LRRC4C: variants seen among roughly 807,000 people sequenced by gnomAD.
LRRC4C encodes leucine rich repeat containing 4C.
A neutral mutation model predicts 33.6 loss-of-function variants in LRRC4C; 5 were observed. The observed-to-expected ratio is 0.15, with a 90% confidence interval of 0.08 to 0.31. The LOEUF is 0.31. LRRC4C is among the 10% of genes least tolerant of loss of function. The probability of loss-of-function intolerance (pLI) is 1.00; values close to 1 mark genes in which losing one functional copy is unlikely to be tolerated. For missense variants in LRRC4C, 560 were observed against 796.7 expected (o/e 0.70, Z 3.58); for synonymous variants, 329 against 302.0 (o/e 1.09, Z -0.93).
rs1590719730 is a variant in LRRC4C, at chr11:41,137,952, C to T, written c.-495-204229G>A. On this transcript the variant is annotated intron_variant, in intron 1 of 6. Transcript: ENST00000528697. ...GCTAGATGATATACTAGTTGTTCTCCTTTCCTTCAGTTACCATGGGCATGC... is the reference window on the plus strand; with the variant it reads ...GCTAGATGATATACTAGTTGTTCTCTTTTCCTTCAGTTACCATGGGCATGC... Among the ~76,000 whole-genome samples the T allele has an allele frequency of 3.9e-5, 6 of 152,272 alleles. No homozygotes were observed. In the East Asian group the frequency reaches 1.2e-3, roughly 29 times the overall value.
intron 1 of LRRC4C, among the ~76,000 whole-genome samples, chr11:41,107,014 A>T (rs1159215832): frequency 9.7e-4 from 1 of 1,036 alleles, no homozygotes; most frequent in African/African-American, 1.3e-3. Context: ...CTCATCTTTA[A>T]AAAAAAAATT....
intron 3 of LRRC4C, among the ~76,000 whole-genome samples, chr11:40,605,011 G>C (rs1000872455): frequency 6.6e-6 from 1 of 152,054 alleles, no homozygotes; most frequent in Non-Finnish European, 1.5e-5. Flanking sequence ...TGATTATAGA[G>C]AGTCCCCTCA....
At chr11:40,872,317 T>A (rs1186280306) in intron 2 of LRRC4C, among the ~76,000 whole-genome samples, 4 of 146,202 alleles carry the variant, frequency 2.7e-5, no homozygotes, top group Non-Finnish European at 4.5e-5. Flanking sequence ...GGCTGAAAGT[T>A]AAAAAAAAAA....
At chr11:41,397,620 G>T (rs1348973642) in intron 1 of LRRC4C, among the ~76,000 whole-genome samples, 1 of 151,094 alleles carries the variant, frequency 6.6e-6, no homozygotes, top group Non-Finnish European at 1.5e-5. Context: ...CTGTACAGGG[G>T]TCAGTGTCCT....
chr11:41,190,253 G>A, intron 1 of LRRC4C, among the ~76,000 whole-genome samples: 1 of 152,116 alleles, frequency 6.6e-6, no homozygotes, highest in Middle Eastern at 3.2e-3. Context: ...ACAAGAGAGA[G>A]GAAGGGTCAC....
intron 5 of LRRC4C, among the ~76,000 whole-genome samples, chr11:40,157,944 T>TG (rs1858841987): frequency 6.6e-6 from 1 of 152,094 alleles, no homozygotes. Flanking sequence ...AGTCATTATT[T>TG]GAAAAAGATA....
At chr11:41,445,411 C>T (rs935117448) in intron 1 of LRRC4C, among the ~76,000 whole-genome samples, 6 of 152,174 alleles carry the variant, frequency 3.9e-5, no homozygotes, top group East Asian at 1.9e-4. Flanking sequence ...AATGCCCCCC[C>T]ACCCACGTGA....
At chr11:41,385,606 C>T (rs1236595422) in intron 1 of LRRC4C, among the ~76,000 whole-genome samples, 1 of 151,614 alleles carries the variant, frequency 6.6e-6, no homozygotes, top group Non-Finnish European at 1.5e-5. Context: ...TTGTGAGATA[C>T]AGCTAAATGC....
rs895584281 is a variant in LRRC4C, at chr11:41,169,615, G to A, written c.-495-235892C>T. The stretch of plus-strand genomic sequence containing the variant: ...CCATGATTCTATTTGGTCCATTATA[G>A]ATAACACTGAAAAAATCTTTTGGCA... On this transcript the variant is annotated intron_variant, in intron 1 of 6. Coordinates refer to ENST00000528697, the MANE Select transcript of LRRC4C (RefSeq NM_001258419.2). Among the ~76,000 whole-genome samples the A allele has an allele frequency of 2.0e-5, 3 of 152,102 alleles. No individual in the cohort carries two copies. The East Asian group carries it at 5.8e-4, about 29-fold the overall frequency.
chr11:40,915,278 C>T (rs531156619), intron 2 of LRRC4C, among the ~76,000 whole-genome samples: 8 of 152,158 alleles, frequency 5.3e-5, no homozygotes, highest in Non-Finnish European at 1.0e-4. Context: ...AGGCATCACT[C>T]TACCTGACTT....
intron 4 of LRRC4C, among the ~76,000 whole-genome samples, chr11:40,255,013 TGC>T (rs1257467358): frequency 6.6e-6 from 1 of 152,102 alleles, no homozygotes; most frequent in African/African-American, 2.4e-5. Flanking sequence ...AGGGTTTCTA[TGC>T]TGCCCAGGCT....
intron 3 of LRRC4C, among the ~76,000 whole-genome samples, chr11:40,482,387 T>A (rs1406566367): frequency 2.0e-5 from 3 of 152,080 alleles, no homozygotes; most frequent in African/African-American, 7.2e-5. Flanking sequence ...GTATAGGAAA[T>A]CAAATGAGAC....
At chr11:41,214,470 G>T (rs772543758) in intron 1 of LRRC4C, among the ~76,000 whole-genome samples, 1 of 149,950 alleles carries the variant, frequency 6.7e-6, no homozygotes, top group Non-Finnish European at 1.5e-5. Flanking sequence ...GATGGCTCAC[G>T]CCTGTAATCC....
intron 3 of LRRC4C, among the ~76,000 whole-genome samples, chr11:40,499,982 C>T (rs1013270381): frequency 1.3e-5 from 2 of 152,024 alleles, no homozygotes; most frequent in African/African-American, 4.8e-5. Context: ...GGCCCTTACC[C>T]ATCCTCTGTT....
intron 2 of LRRC4C, among the ~76,000 whole-genome samples, chr11:40,715,587 T>A (rs912457082): frequency 3.9e-5 from 6 of 152,230 alleles, no homozygotes; most frequent in Admixed American, 3.9e-4. Context: ...TGGGTATCAC[T>A]GACAAGAATG....
At chr11:40,159,909 A>G (rs1859015860) in intron 5 of LRRC4C, among the ~76,000 whole-genome samples, 1 of 152,238 alleles carries the variant, frequency 6.6e-6, no homozygotes, top group Non-Finnish European at 1.5e-5. Flanking sequence ...CTAGAATAAT[A>G]TTTGGCATGT....
chr11:41,130,705 A>AT (rs1255574618), intron 1 of LRRC4C, among the ~76,000 whole-genome samples: 1 of 152,034 alleles, frequency 6.6e-6, no homozygotes, highest in African/African-American at 2.4e-5. Flanking sequence ...AGCTTAGGCC[A>AT]TTTTTTAAAG....
At chr11:40,926,551 T>A (rs1275362614) in intron 2 of LRRC4C, among the ~76,000 whole-genome samples, 1 of 152,184 alleles carries the variant, frequency 6.6e-6, no homozygotes. Context: ...TGAAATGTAT[T>A]CCTGTTACTC....
chr11:40,780,828 G>T (rs1950183680), intron 2 of LRRC4C, among the ~76,000 whole-genome samples: 1 of 151,328 alleles, frequency 6.6e-6, no homozygotes, highest in South Asian at 2.1e-4. Flanking sequence ...TGAACATGCA[G>T]ATTGCCAGGA....
Sources: allele counts gnomAD v4.1 joint callset (sites outside exome capture counted in the v4.1 genomes callset), GRCh38; gene constraint gnomAD v4.1.1; transcripts MANE v1.5; gene names NCBI Gene and HGNC (gene_info 2026-07-23, HGNC 2026-07-21).